The following NBEA variants were observed in gnomAD, a reference collection of about 807,000 sequenced individuals.
NBEA encodes the protein lysosomal-trafficking regulator 2.
NBEA carries 44 observed loss-of-function variants against 343.4 expected under a neutral mutation model. The observed-to-expected ratio is 0.13, with a 90% CI of 0.10 to 0.16. The LOEUF (loss-of-function observed/expected upper bound fraction) is 0.16, where lower values mean the gene tolerates loss of function less well. NBEA is among the 10% of genes least tolerant of loss of function. NBEA has a pLI of 1.00. For synonymous variants in NBEA, 1,175 were observed against 1,238.7 expected (o/e 0.95, Z 1.08); for missense variants, 2,555 against 3,631.3 (o/e 0.70, Z 7.62).
At chr13:35,163,356 A>G (rs1187583164) in intron 23 of NBEA, among the ~76,000 whole-genome samples, 1 of 151,912 alleles carries the variant, frequency 6.6e-6, no homozygotes, top group Non-Finnish European at 1.5e-5. Context: ...TTTTTTTCCC[A>G]TTAAAAAACA....
At chr13:35,080,765 A>G (rs1336496144) in intron 10 of NBEA, among the ~76,000 whole-genome samples, 2 of 152,198 alleles carry the variant, frequency 1.3e-5, no homozygotes, top group African/African-American at 4.8e-5. Flanking sequence ...AAGGGTAAAA[A>G]GTTTAGCACT....
intron 38 of NBEA, among the ~76,000 whole-genome samples, chr13:35,369,912 C>A (rs1269282356): frequency 6.6e-6 from 1 of 151,934 alleles, no homozygotes; most frequent in Non-Finnish European, 1.5e-5. Flanking sequence ...AATAGTCATC[C>A]TTGTCTTGTT....
intron 34 of NBEA, among the ~76,000 whole-genome samples, chr13:35,235,198 CTT>C (rs1320161759): frequency 6.6e-6 from 1 of 151,964 alleles, no homozygotes; most frequent in Non-Finnish European, 1.5e-5. Flanking sequence ...GCTTTTAATT[CTT>C]TTGATTTCCT....
At chr13:35,385,314 T>C (rs1162698702) in intron 38 of NBEA, among the ~76,000 whole-genome samples, 1 of 152,200 alleles carries the variant, frequency 6.6e-6, no homozygotes, top group Non-Finnish European at 1.5e-5. Flanking sequence ...TGCTTTTTTC[T>C]TTTTAAGCAT....
At chr13:35,514,657 T>C (rs748822932) in intron 41 of NBEA, among the ~76,000 whole-genome samples, 2 of 152,228 alleles carry the variant, frequency 1.3e-5, no homozygotes, top group Non-Finnish European at 2.9e-5. Flanking sequence ...TTTGCTGTTT[T>C]CTGTACCATA....
chr13:35,593,513 G>C, intron 47 of NBEA, 66 bp downstream of exon 47: 1 of 1,343,824 alleles, frequency 7.4e-7, no homozygotes, highest in Non-Finnish European at 1.0e-6. Context: ...ATTTTTTTAA[G>C]TGGGTATGTA....
At chr13:35,470,254 C>G (rs1349138094) in intron 40 of NBEA, among the ~76,000 whole-genome samples, 1 of 152,174 alleles carries the variant, frequency 6.6e-6, no homozygotes, top group Non-Finnish European at 1.5e-5. Context: ...GGAAGCCGTC[C>G]CCTTTCAGAA....
chr13:35,530,952 G>A (rs935446544), intron 41 of NBEA, among the ~76,000 whole-genome samples: 1 of 152,150 alleles, frequency 6.6e-6, no homozygotes, highest in South Asian at 2.1e-4. Flanking sequence ...AGAGTTTTCT[G>A]CCTGTGTTCA....
chr13:35,164,702 G>A (rs1376031183), intron 24 of NBEA, among the ~76,000 whole-genome samples, 193 bp downstream of exon 24: 1 of 152,058 alleles, frequency 6.6e-6, no homozygotes, highest in Non-Finnish European at 1.5e-5. Flanking sequence ...TTATGAAAAT[G>A]TTTCTCTGGT....
chr13:35,416,908 T>A (rs996163237), intron 38 of NBEA, among the ~76,000 whole-genome samples: 2 of 152,280 alleles, frequency 1.3e-5, no homozygotes, highest in East Asian at 1.9e-4. Context: ...TTGCCTCAAT[T>A]TCAGAACCTG....
At chr13:35,297,213 C>T (rs955733523) in intron 35 of NBEA, among the ~76,000 whole-genome samples, 1 of 151,942 alleles carries the variant, frequency 6.6e-6, no homozygotes, top group South Asian at 2.1e-4. Context: ...TACCTCATAT[C>T]TTCCCAATTA....
intron 4 of NBEA, among the ~76,000 whole-genome samples, chr13:35,045,681 A>G (rs2062823499): frequency 6.6e-6 from 1 of 151,930 alleles, no homozygotes; most frequent in Non-Finnish European, 1.5e-5. Flanking sequence ...ATTGTCATAT[A>G]AATAAAATCA....
intron 46 of NBEA, 106 bp downstream of exon 46, chr13:35,584,144 G>A: frequency 2.7e-6 from 3 of 1,110,248 alleles, no homozygotes; most frequent in Non-Finnish European, 4.0e-6. Flanking sequence ...AAAGATTAGA[G>A]ACGAGTGAAG....
chr13:35,584,526 G>A lies in NBEA; in HGVS notation c.7176+488G>A, dbSNP rs61949230. ...CTTCTTTTTTTTTTTTTGAGACAGAGTCTCGCTCTGTTGCCCAGGCTGGAG... is the reference window on the plus strand; with the variant it reads ...CTTCTTTTTTTTTTTTTGAGACAGAATCTCGCTCTGTTGCCCAGGCTGGAG... On this transcript the variant is annotated intron_variant, in intron 46 of 58. Transcript: ENST00000379939. Among the ~76,000 whole-genome samples the A allele has an allele frequency of 8.9e-3, 1,333 of 149,110 alleles. 9 individuals are homozygous for A. The highest frequency in any genetic ancestry group is 0.015 in the Non-Finnish European group (995 of 67,410).
intron 1 of NBEA, among the ~76,000 whole-genome samples, chr13:34,989,876 C>T (rs952823436): frequency 6.6e-6 from 1 of 151,030 alleles, no homozygotes; most frequent in Non-Finnish European, 1.5e-5. Flanking sequence ...AGGCATTGGG[C>T]AAATGTTCCC....
chr13:35,045,216 G>C, intron 3 of NBEA, 90 bp from the exon 4 acceptor site: 2 of 1,241,240 alleles, frequency 1.6e-6, no homozygotes, highest in Admixed American at 2.6e-5. Context: ...TTTCTCTCTA[G>C]TTAGAAAACA....
At chr13:35,056,993 C>G (rs2063292185) in intron 7 of NBEA, among the ~76,000 whole-genome samples, 1 of 152,078 alleles carries the variant, frequency 6.6e-6, no homozygotes, top group Non-Finnish European at 1.5e-5. Flanking sequence ...GAAGAATTGA[C>G]ACAGTTGGAT....
intron 38 of NBEA, among the ~76,000 whole-genome samples, chr13:35,400,087 A>G (rs1383972080): frequency 1.3e-5 from 2 of 151,752 alleles, no homozygotes. Flanking sequence ...AAAGTTTGAA[A>G]TATCACAAGA....
At chr13:35,565,059 G>T (rs2080068069) in intron 44 of NBEA, among the ~76,000 whole-genome samples, 1 of 152,142 alleles carries the variant, frequency 6.6e-6, no homozygotes. Flanking sequence ...ATGTATATCA[G>T]GTGTAATAGA....
Sources: allele counts gnomAD v4.1 joint callset (sites outside exome capture counted in the v4.1 genomes callset), GRCh38; gene constraint gnomAD v4.1.1; transcripts MANE v1.5; gene names NCBI Gene and HGNC (gene_info 2026-07-23, HGNC 2026-07-21).